Variants in RBFOX3 observed in about 807,000 individuals in gnomAD.
The protein encoded by RBFOX3 is RNA binding protein fox-1 homolog 3.
Under a neutral mutation model 48.7 loss-of-function variants are expected in RBFOX3, and 17 were observed. The ratio of observed to expected loss-of-function variants is 0.35; its 90% CI spans 0.24 to 0.52. The LOEUF is 0.52. Ranked by LOEUF, RBFOX3 falls within the 20% of genes least tolerant of loss-of-function variation. The pLI is 0.94. For synonymous variants in RBFOX3, 212 were observed against 209.5 expected (o/e 1.01, Z -0.10); for missense variants, 382 against 497.5 (o/e 0.77, Z 2.21).
chr17:79,181,583 A>C (rs1177788310), intron 4 of RBFOX3, among the ~76,000 whole-genome samples: 1 of 152,140 alleles, frequency 6.6e-6, no homozygotes, highest in African/African-American at 2.4e-5. Context: ...GGTCCTGGGA[A>C]GATGGCACCA....
intron 2 of RBFOX3, among the ~76,000 whole-genome samples, chr17:79,465,660 G>A (rs59993996): frequency 0.033 from 5,089 of 152,200 alleles, 280 homozygotes; most frequent in African/African-American, 0.12. Flanking sequence ...CCTCAGCCTC[G>A]GAGGAGCAGC....
At chr17:79,406,849 T>C (rs1478311852) in intron 2 of RBFOX3, among the ~76,000 whole-genome samples, 1 of 152,034 alleles carries the variant, frequency 6.6e-6, no homozygotes, top group Non-Finnish European at 1.5e-5. Context: ...GGGACAATAT[T>C]TGGGGGATGC....
At chr17:79,486,812 G>T (rs1410351379) in intron 1 of RBFOX3, among the ~76,000 whole-genome samples, 2 of 152,158 alleles carry the variant, frequency 1.3e-5, no homozygotes, top group Non-Finnish European at 2.9e-5. Flanking sequence ...AAAGACTCCT[G>T]TGCCCGCATC....
chr17:79,165,918 C>T (rs1402784569), intron 4 of RBFOX3, among the ~76,000 whole-genome samples: 2 of 152,326 alleles, frequency 1.3e-5, no homozygotes, highest in East Asian at 3.9e-4. Context: ...GCCGGTGACA[C>T]GCGGCGGGGT....
intron 2 of RBFOX3, among the ~76,000 whole-genome samples, chr17:79,403,782 CTTTTTT>C (rs781618072): frequency 8.0e-6 from 1 of 124,354 alleles, no homozygotes; most frequent in African/African-American, 3.0e-5. Flanking sequence ...TGTTCTTTTT[CTTTTTT>C]TTTTTTTTTT....
Position 79,403,782 on chromosome 17 carries a change from C to CTTTTTTT in RBFOX3, c.-175+78665_-175+78671dup, listed in dbSNP as rs781618072. On this transcript the variant is annotated intron_variant, in intron 2 of 14. Coordinates refer to ENST00000693108, the MANE Select transcript of RBFOX3 (RefSeq NM_001350451.2). ...GCACAAGCTCCCAGATGTTCTTTTTCTTTTTTTTTTTTTTTTTTTGAGATG... is the reference window on the plus strand; with the variant it reads ...GCACAAGCTCCCAGATGTTCTTTTTCTTTTTTTTTTTTTTTTTTTTTTTTTTGAGATG... Among the ~76,000 whole-genome samples, 15 of 124,346 alleles carry CTTTTTTT rather than the reference C, an allele frequency of 1.2e-4. 1 individual carries two copies. Among genetic ancestry groups the CTTTTTTT allele is most frequent in the East Asian group, 2.4e-4 (1 of 4,236 alleles). 81.6% of individuals were successfully genotyped at this position (124,346 alleles called of 152,430 possible). A position where few individuals can be genotyped will look rare whatever the true frequency, so the allele number is the denominator to read the frequency against.
At chr17:79,314,946 TGTTA>T (rs1471248341) in intron 2 of RBFOX3, among the ~76,000 whole-genome samples, 7 of 151,682 alleles carry the variant, frequency 4.6e-5, no homozygotes, top group African/African-American at 1.7e-4. Flanking sequence ...GAGAACAAAG[TGTTA>T]GTTATTGTTA....
chr17:79,277,256 T>G (rs1248974248), intron 3 of RBFOX3, among the ~76,000 whole-genome samples: 3 of 114,066 alleles, frequency 2.6e-5, no homozygotes, highest in Non-Finnish European at 5.4e-5. Context: ...CCCAGATCTT[T>G]CAAAGCTCCA....
chr17:79,394,021 A>ACTGGTCATCACACACATCGGAG (rs1412563338), intron 2 of RBFOX3, among the ~76,000 whole-genome samples: 1 of 142,954 alleles, frequency 7.0e-6, no homozygotes, highest in African/African-American at 2.6e-5. Flanking sequence ...CATCATCTGA[A>ACTGGTCATCACACACATCGGAG]CTGGTCATCA....
chr17:79,216,428 G>A lies in RBFOX3; in HGVS notation c.-34+19338C>T, dbSNP rs142242070. On this transcript the variant is annotated intron_variant, in intron 4 of 14. Transcript: ENST00000693108. ...CACCTGGAGGGCCTGGAGTGGAGAT[G>A]GACTGGGGGGCAGGCAGGAAGGAGG... is the stretch of plus-strand genomic sequence containing the variant. Among the ~76,000 whole-genome samples the A allele has an allele frequency of 2.4e-3, 371 of 152,290 alleles. 2 individuals are homozygous for A. Among genetic ancestry groups the A allele is most frequent in the African/African-American group, 8.6e-3 (357 of 41,554 alleles).
intron 1 of RBFOX3, among the ~76,000 whole-genome samples, chr17:79,570,965 C>G (rs977850719): frequency 5.9e-5 from 9 of 152,118 alleles, no homozygotes; most frequent in Non-Finnish European, 7.4e-5. Flanking sequence ...TGAGGGGGGG[C>G]CCCCGGGAGA....
chr17:79,625,574 C>T, the RBFOX3 span, among the ~76,000 whole-genome samples: 9 of 152,122 alleles, frequency 5.9e-5, no homozygotes, highest in Non-Finnish European at 1.2e-4. Context: ...GGCGGATCAC[C>T]TGAGGTCAGG....
intron 1 of RBFOX3, among the ~76,000 whole-genome samples, chr17:79,499,195 T>C (rs2149708686): frequency 6.8e-6 from 1 of 148,134 alleles, no homozygotes; most frequent in South Asian, 2.3e-4. Context: ...CATCTATTCA[T>C]CCAATCATAC....
chr17:79,363,693 G>A lies in RBFOX3; in HGVS notation c.-174-55869C>T, dbSNP rs1243391673. 6.6e-6 allele frequency among the ~76,000 whole-genome samples: 1 copy of A among 151,872 alleles called. No homozygotes were observed. The highest frequency in any genetic ancestry group is 1.5e-5 in the Non-Finnish European group (1 of 67,956). ...ATCCAGGCCACCAGCAGGTGTTTCA[G>A]GGACCTCCGACACGCCTCCAGAGCC... On this transcript the variant is annotated intron_variant, in intron 2 of 14. Transcript: ENST00000693108. The surrounding 1 kb of genome is among the most constrained non-coding windows in gnomAD (Gnocchi z 4.7).
chr17:79,365,588 C>A (rs750309266), intron 2 of RBFOX3, among the ~76,000 whole-genome samples: 1 of 152,244 alleles, frequency 6.6e-6, no homozygotes, highest in South Asian at 2.1e-4. Flanking sequence ...CTGAAGCCGG[C>A]GCGGCGGCAG....
At chr17:79,248,492 C>T (rs1324928527) in intron 3 of RBFOX3, among the ~76,000 whole-genome samples, 2 of 152,150 alleles carry the variant, frequency 1.3e-5, no homozygotes, top group African/African-American at 4.8e-5. Flanking sequence ...GCCTTCTACC[C>T]GGGAGGAGGC....
chr17:79,554,013 C>T (rs972883073), intron 1 of RBFOX3, among the ~76,000 whole-genome samples: 30 of 152,308 alleles, frequency 2.0e-4, no homozygotes, highest in African/African-American at 6.0e-4. Context: ...GGATTACAGG[C>T]GTGAGCCACT....
intron 4 of RBFOX3, among the ~76,000 whole-genome samples, chr17:79,227,720 A>G (rs1284888206): frequency 1.3e-5 from 2 of 152,168 alleles, no homozygotes; most frequent in Non-Finnish European, 2.9e-5. Flanking sequence ...AGCCTGAGGG[A>G]TGCAGGCAGG....
chr17:79,386,523 C>T (rs1323619989), intron 2 of RBFOX3, among the ~76,000 whole-genome samples: 1 of 152,224 alleles, frequency 6.6e-6, no homozygotes, highest in Non-Finnish European at 1.5e-5. Context: ...AGCCAGAGCC[C>T]TCATACTATC....
Sources: gnomAD v4.1 joint callset for allele counts (sites outside exome capture counted in the v4.1 genomes callset) on GRCh38, gnomAD v4.1.1 for gene constraint, Gnocchi (gnomAD v3.1) non-coding constraint, MANE v1.5 for transcripts, NCBI Gene and HGNC (gene_info 2026-07-23, HGNC 2026-07-21) for gene names.